The following LTBP1 variants were observed in gnomAD, a reference collection of about 807,000 sequenced individuals.
The protein encoded by LTBP1 is latent transforming growth factor beta binding protein 1.
In LTBP1, 129 loss-of-function variants were observed where a neutral mutation model predicts 207.6. That is an observed-to-expected ratio of 0.62 (90% CI 0.54 to 0.72). The LOEUF is 0.72. LTBP1 is among the 30% of genes least tolerant of loss of function. The pLI is 0.00. For synonymous variants in LTBP1, 963 were observed against 833.7 expected (o/e 1.16, Z -2.67); for missense variants, 2,281 against 2,217.2 (o/e 1.03, Z -0.58).
intron 6 of LTBP1, among the ~76,000 whole-genome samples, chr2:33,187,468 C>A (rs6707962): frequency 0.52 from 78,776 of 151,962 alleles, 20,641 homozygotes; most frequent in African/African-American, 0.53. Flanking sequence ...GTGAACTTCA[C>A]AATTGAAGAA....
intron 25 of LTBP1, among the ~76,000 whole-genome samples, chr2:33,345,785 A>G (rs1419241534): frequency 1.3e-5 from 2 of 152,224 alleles, no homozygotes; most frequent in African/African-American, 2.4e-5. Flanking sequence ...TAATTGCTCA[A>G]ATTTTTAACT....
chr2:33,136,345 C>T (rs2082142838), intron 5 of LTBP1, among the ~76,000 whole-genome samples: 1 of 152,152 alleles, frequency 6.6e-6, no homozygotes, highest in South Asian at 2.1e-4. Flanking sequence ...CTAGCTAATC[C>T]GTAGGGCATG....
Position 32,947,179 on chromosome 2 carries a change from C to G in LTBP1, c.-146C>G, listed in dbSNP as rs1301471833. On this transcript the variant is annotated 5_prime_UTR_variant, in exon 1 of 34. Coordinates refer to ENST00000404816, the MANE Select transcript of LTBP1 (RefSeq NM_206943.4). Reference sequence around the variant, plus strand: ...CGCTCAGCTGCCCGCAGAGCCTCCTCCCTCGCCACCGACTTGGTCTCCTCC... The same window carrying G: ...CGCTCAGCTGCCCGCAGAGCCTCCTGCCTCGCCACCGACTTGGTCTCCTCC... 4.0e-6 allele frequency: 2 copies of G among 506,132 alleles called. No individual in the cohort carries two copies. Among genetic ancestry groups the G allele is most frequent in the South Asian group, 1.0e-4 (1 of 9,812 alleles). The allele number at this position is 506,132 out of a possible 1,614,324, so 31.4% of individuals were successfully genotyped here. A position where few individuals can be genotyped will look rare whatever the true frequency, so the allele number is the denominator to read the frequency against.
At chr2:33,043,541 A>G (rs544710154) in intron 3 of LTBP1, among the ~76,000 whole-genome samples, 1 of 152,154 alleles carries the variant, frequency 6.6e-6, no homozygotes, top group Non-Finnish European at 1.5e-5. Flanking sequence ...TGAAGTCCAG[A>G]GGAGGGTGGT....
chr2:33,392,471 C>T (rs1354364802), intron 32 of LTBP1, among the ~76,000 whole-genome samples: 3 of 152,166 alleles, frequency 2.0e-5, no homozygotes, highest in African/African-American at 4.8e-5. Flanking sequence ...AGGTGTGAGA[C>T]ACCGCACCGA....
intron 18 of LTBP1, 123 bp downstream of exon 18, chr2:33,276,046 G>C (rs1300616728): frequency 2.4e-6 from 3 of 1,239,632 alleles, no homozygotes; most frequent in Admixed American, 6.0e-5. Flanking sequence ...AGCTCTTTCT[G>C]CTTCCTAGAT....
chr2:33,143,043 A>G (rs1250400266), intron 5 of LTBP1, among the ~76,000 whole-genome samples: 2 of 151,980 alleles, frequency 1.3e-5, no homozygotes, highest in South Asian at 2.1e-4. Context: ...TTCCACCCCA[A>G]TCCTCTACTT....
intron 3 of LTBP1, among the ~76,000 whole-genome samples, chr2:33,058,744 C>T (rs969734948): frequency 9.9e-5 from 15 of 152,112 alleles, no homozygotes; most frequent in African/African-American, 3.4e-4. Flanking sequence ...TTTGATTATA[C>T]GTTTGATTCC....
intron 4 of LTBP1, among the ~76,000 whole-genome samples, chr2:33,130,501 C>G (rs1370937228): frequency 6.6e-6 from 1 of 152,212 alleles, no homozygotes; most frequent in African/African-American, 2.4e-5. Context: ...GTGCCCTTTT[C>G]TAGACTGATG....
intron 3 of LTBP1, among the ~76,000 whole-genome samples, chr2:33,052,414 G>C (rs866899266): frequency 1.3e-5 from 2 of 152,218 alleles, no homozygotes; most frequent in African/African-American, 4.8e-5. Context: ...CATCATCTCT[G>C]TAAGTGAATG....
At chr2:33,122,266 A>G (rs541512019) in intron 4 of LTBP1, among the ~76,000 whole-genome samples, 1 of 152,206 alleles carries the variant, frequency 6.6e-6, no homozygotes, top group Non-Finnish European at 1.5e-5. Flanking sequence ...CTCCCTTGAA[A>G]TGTGTTGTTT....
At chr2:33,208,098 A>G (rs10048733) in intron 7 of LTBP1, among the ~76,000 whole-genome samples, 12,267 of 152,306 alleles carry the variant, frequency 0.081, 1,066 homozygotes, top group African/African-American at 0.22. Context: ...TTCCTCATCC[A>G]GATTCATAGT....
In LTBP1 at chr2:33,217,922, T is replaced by C. The variant is rs527404758; in HGVS notation, c.1804+268T>C. Among the ~76,000 whole-genome samples the C allele has an allele frequency of 2.0e-5, 3 of 152,216 alleles. No individual in the cohort carries two copies. The South Asian group carries it at 6.2e-4, about 32-fold the overall frequency. On this transcript the variant is annotated intron_variant, in intron 8 of 33. Transcript: ENST00000404816. The stretch of plus-strand genomic sequence containing the variant: ...AGTCTTAAGTGGTAATGAGTTAAAA[T>C]GGACTTTTTGTCTCAGGGGAAGAGA...
chr2:33,266,880 A>G (rs990234782), intron 15 of LTBP1, among the ~76,000 whole-genome samples: 2 of 152,176 alleles, frequency 1.3e-5, no homozygotes, highest in Non-Finnish European at 2.9e-5. Flanking sequence ...TGAAAGAGCT[A>G]TGACACAAAC....
At chr2:32,995,043 G>A (rs909144712) in intron 2 of LTBP1, among the ~76,000 whole-genome samples, 1 of 152,086 alleles carries the variant, frequency 6.6e-6, no homozygotes, top group African/African-American at 2.4e-5. Flanking sequence ...ACTTAGCTAG[G>A]TGTGGTAGTA....
intron 5 of LTBP1, among the ~76,000 whole-genome samples, chr2:33,148,801 C>T (rs2083264000): frequency 6.6e-6 from 1 of 152,176 alleles, no homozygotes; most frequent in Non-Finnish European, 1.5e-5. Flanking sequence ...TTTTGCACCC[C>T]CACCTAAGAG....
chr2:33,309,539 A>G lies in LTBP1; in HGVS notation c.3587A>G (p.Asp1196Gly), dbSNP rs775263223. Residue 1196 changes from aspartate (D) to glycine (G), a missense_variant, in exon 23 of 34, where the codon GAC (aspartate) becomes GGC (glycine). Physicochemically the swap from Asp to Gly is moderately conservative, Grantham distance 94. Coordinates refer to ENST00000404816, the MANE Select transcript of LTBP1 (RefSeq NM_206943.4). ...TGTCCGGATGGATTTCAGCTAGATG[A>G]CAATAAAACATGTCAAGGTATTTCT... ...CTCPDGFQLD[D>G]NKTCQDINEC... 1.0e-5 allele frequency: 16 copies of G among 1,606,490 alleles called. No homozygotes were observed. Among genetic ancestry groups the G allele is most frequent in the East Asian group, 4.5e-5 (2 of 44,414 alleles).
At chr2:33,225,287 A>G (rs1233054220) in intron 9 of LTBP1, among the ~76,000 whole-genome samples, 1 of 152,196 alleles carries the variant, frequency 6.6e-6, no homozygotes, top group African/African-American at 2.4e-5. Context: ...ACCTATTTGA[A>G]ACTATATAAC....
chr2:33,199,303 A>G (rs1325801155), intron 7 of LTBP1, among the ~76,000 whole-genome samples: 1 of 152,132 alleles, frequency 6.6e-6, no homozygotes, highest in African/African-American at 2.4e-5. Flanking sequence ...TTTGCCAAGG[A>G]GAGCTTTACT....
Sources: allele counts gnomAD v4.1 joint callset (sites outside exome capture counted in the v4.1 genomes callset), GRCh38; gene constraint gnomAD v4.1.1; transcripts MANE v1.5; gene names NCBI Gene and HGNC (gene_info 2026-07-23, HGNC 2026-07-21).